Variants in SMIM45 observed in about 807,000 individuals in gnomAD.
The protein encoded by SMIM45 is long intergenic non-protein coding RNA 634.
At chr22:41,956,088 C>T in the SMIM45 span, among the ~76,000 whole-genome samples, 6 of 151,654 alleles carry the variant, frequency 4.0e-5, no homozygotes, top group Non-Finnish European at 8.8e-5. Context: ...CAGCTCACTG[C>T]AGCCTCCATC....
the SMIM45 span, among the ~76,000 whole-genome samples, chr22:41,956,197 G>T: frequency 1.3e-5 from 2 of 152,198 alleles, no homozygotes; most frequent in East Asian, 1.9e-4. Flanking sequence ...TTTTAGTAGA[G>T]ACGGGGTTTT....
chr22:41,958,504 G>GAGAGAGAA, the SMIM45 span: 2 of 405,692 alleles, frequency 4.9e-6, no homozygotes, highest in Non-Finnish European at 1.0e-5. Flanking sequence ...GAGAGAGAGA[G>GAGAGAGAA]AGAGTCTGGG....
chr22:41,952,148 G>A, the SMIM45 span: 1 of 152,738 alleles, frequency 6.5e-6, no homozygotes, highest in Non-Finnish European at 1.5e-5. Context: ...AGGGGGAAGG[G>A]TCTCTGATGG....
At chr22:41,952,594 G>T in the SMIM45 span, among the ~76,000 whole-genome samples, 1 of 152,176 alleles carries the variant, frequency 6.6e-6, no homozygotes, top group Non-Finnish European at 1.5e-5. Flanking sequence ...GTGCACAGGG[G>T]ACCGTGAGGC....
At chr22:41,953,782 G>A in the SMIM45 span, among the ~76,000 whole-genome samples, 6 of 124,430 alleles carry the variant, frequency 4.8e-5, no homozygotes, top group Non-Finnish European at 9.6e-5. Context: ...ATGGAGTCTC[G>A]CTCTGTTGCC....
chr22:41,953,681 G>C, the SMIM45 span, among the ~76,000 whole-genome samples: 1 of 151,224 alleles, frequency 6.6e-6, no homozygotes, highest in Non-Finnish European at 1.5e-5. Flanking sequence ...GTTGGGGGTG[G>C]GTTCAATAGG....
chr22:41,949,928 T>G, the SMIM45 span, among the ~76,000 whole-genome samples: 1 of 152,086 alleles, frequency 6.6e-6, no homozygotes, highest in Non-Finnish European at 1.5e-5. Flanking sequence ...CTGGAGGTTC[T>G]TACATCCTGA....
At chr22:41,956,448 G>A in the SMIM45 span, among the ~76,000 whole-genome samples, 2 of 152,224 alleles carry the variant, frequency 1.3e-5, no homozygotes, top group Non-Finnish European at 2.9e-5. Flanking sequence ...CTCCTTCAAT[G>A]GGTGTTTGTT....
the SMIM45 span, among the ~76,000 whole-genome samples, chr22:41,951,489 T>C: frequency 6.6e-6 from 1 of 152,128 alleles, no homozygotes; most frequent in African/African-American, 2.4e-5. Flanking sequence ...GGAAGTGATG[T>C]TGGGGCCAGC....
the SMIM45 span, chr22:41,946,990 G>C: frequency 1.9e-6 from 3 of 1,610,766 alleles, no homozygotes; most frequent in African/African-American, 1.3e-5. Flanking sequence ...AGGAAAAACC[G>C]GCGGGGGAAG....
At chr22:41,947,290 T>C in the SMIM45 span, 1 of 587,850 alleles carries the variant, frequency 1.7e-6, no homozygotes, top group South Asian at 2.0e-5. Context: ...GACAGGCCTT[T>C]GGTTCCACGC....
chr22:41,953,841 C>G, the SMIM45 span, among the ~76,000 whole-genome samples: 1 of 148,234 alleles, frequency 6.7e-6, no homozygotes, highest in Non-Finnish European at 1.5e-5. Context: ...AGCTCTGCCT[C>G]CGGGGTTCAC....
chr22:41,947,315 GTTTTTAGTGATTCCT>G, the SMIM45 span, among the ~76,000 whole-genome samples: 2 of 151,810 alleles, frequency 1.3e-5, no homozygotes, highest in African/African-American at 4.8e-5. Flanking sequence ...CAGTAAGCAG[GTTTTTAGTGATTCCT>G]TTGTTCACTT....
the SMIM45 span, chr22:41,958,324 C>G: frequency 1.7e-4 from 76 of 456,566 alleles, no homozygotes; most frequent in Non-Finnish European, 2.6e-4. Flanking sequence ...TTAGGCAGGT[C>G]GAAGCCAACC....
At chr22:41,949,609 T>G in the SMIM45 span, among the ~76,000 whole-genome samples, 2 of 152,198 alleles carry the variant, frequency 1.3e-5, no homozygotes, top group Non-Finnish European at 1.5e-5. Context: ...GTGGGGACTT[T>G]CCAGGAGGGG....
chr22:41,957,225 G>A, the SMIM45 span, among the ~76,000 whole-genome samples: 1 of 117,154 alleles, frequency 8.5e-6, no homozygotes, highest in Admixed American at 1.2e-4. Flanking sequence ...ACGGAGTATC[G>A]CTCTGTCACC....
At chr22:41,956,214 T>C in the SMIM45 span, among the ~76,000 whole-genome samples, 1 of 152,208 alleles carries the variant, frequency 6.6e-6, no homozygotes, top group African/African-American at 2.4e-5. Flanking sequence ...TTTTGCCATG[T>C]TGCCCAGGCT....
At chr22:41,949,965 G>A in the SMIM45 span, among the ~76,000 whole-genome samples, 2 of 152,124 alleles carry the variant, frequency 1.3e-5, no homozygotes, top group Non-Finnish European at 2.9e-5. Flanking sequence ...GGTCATCAGA[G>A]TCCTCTGGGC....
the SMIM45 span, among the ~76,000 whole-genome samples, chr22:41,949,516 G>A: frequency 4.6e-5 from 7 of 152,256 alleles, no homozygotes; most frequent in African/African-American, 4.8e-5. Context: ...AACAGGGGAG[G>A]AGGTGAGGCC....
Sources: gnomAD v4.1 joint callset for allele counts (sites outside exome capture counted in the v4.1 genomes callset) on GRCh38, gnomAD v4.1.1 for gene constraint, MANE v1.5 for transcripts, NCBI Gene and HGNC (gene_info 2026-07-23, HGNC 2026-07-21) for gene names.